PTN: variants seen among roughly 807,000 people sequenced by gnomAD.
PTN encodes the protein heparin affin regulatory protein.
Under a neutral mutation model 24.1 loss-of-function variants are expected in PTN, and 18 were observed. The observed-to-expected ratio is 0.75, with a 90% CI of 0.52 to 1.11. The LOEUF is 1.11. Ranked by LOEUF, PTN falls within the 50% of genes least tolerant of loss-of-function variation. The pLI is 0.00. For missense variants in PTN, 163 were observed against 198.8 expected (o/e 0.82, Z 1.08); for synonymous variants, 78 against 68.6 (o/e 1.14, Z -0.67).
intron 1 of PTN, among the ~76,000 whole-genome samples, chr7:137,299,581 T>C (rs1230238695): frequency 6.6e-6 from 1 of 151,782 alleles, no homozygotes; most frequent in African/African-American, 2.4e-5. Flanking sequence ...CCACCAAATA[T>C]GAGGGGCAGT....
At chr7:137,263,827 A>T (rs1809085715) in intron 1 of PTN, among the ~76,000 whole-genome samples, 1 of 151,966 alleles carries the variant, frequency 6.6e-6, no homozygotes, top group African/African-American at 2.4e-5. Context: ...CTATGTCCAC[A>T]TACCCAGTAT....
intron 1 of PTN, among the ~76,000 whole-genome samples, chr7:137,334,261 C>A (rs2128883189): frequency 7.1e-6 from 1 of 141,262 alleles, no homozygotes; most frequent in East Asian, 2.1e-4. Context: ...AGGCAACCCA[C>A]AAAATGGGAG....
At chr7:137,298,231 G>A (rs1316458390) in intron 1 of PTN, among the ~76,000 whole-genome samples, 1 of 151,920 alleles carries the variant, frequency 6.6e-6, no homozygotes, top group Non-Finnish European at 1.5e-5. Context: ...AATTTTGATT[G>A]AACTAATCCT....
At chr7:137,335,432 T>C (rs1233615446) in intron 1 of PTN, among the ~76,000 whole-genome samples, 2 of 152,182 alleles carry the variant, frequency 1.3e-5, no homozygotes, top group East Asian at 1.9e-4. Flanking sequence ...AATCATACAT[T>C]GTAAATATTA....
chr7:137,255,352 C>T (rs4732251), intron 1 of PTN, among the ~76,000 whole-genome samples: 3,173 of 152,284 alleles, frequency 0.021, 69 homozygotes, highest in Non-Finnish European at 0.033. Context: ...CTTCAAAATT[C>T]CTGACAATAT....
chr7:137,324,250 C>T (rs75269758), intron 1 of PTN, among the ~76,000 whole-genome samples: 1 of 151,054 alleles, frequency 6.6e-6, no homozygotes, highest in East Asian at 2.0e-4. Flanking sequence ...CATTCTTAAG[C>T]TGGGCACTGT....
At chr7:137,257,364 C>A (rs138312346) in intron 1 of PTN, among the ~76,000 whole-genome samples, 1 of 152,260 alleles carries the variant, frequency 6.6e-6, no homozygotes, top group Non-Finnish European at 1.5e-5. Flanking sequence ...TGAATGGTCA[C>A]GCAGAAAAGT....
intron 1 of PTN, among the ~76,000 whole-genome samples, chr7:137,278,945 CAAT>C (rs59932923): frequency 0.3 from 39,667 of 134,116 alleles, 5,791 homozygotes; most frequent in South Asian, 0.38. Flanking sequence ...CATCTCAGAA[CAAT>C]AATAATAATA....
intron 4 of PTN, among the ~76,000 whole-genome samples, chr7:137,243,259 G>A (rs1027997879): frequency 3.3e-5 from 5 of 152,158 alleles, no homozygotes; most frequent in African/African-American, 4.8e-5. Flanking sequence ...ATACAAAGCC[G>A]TTAGCAGAGA....
intron 1 of PTN, among the ~76,000 whole-genome samples, chr7:137,281,411 G>T (rs1486787219): frequency 6.6e-6 from 1 of 152,148 alleles, no homozygotes; most frequent in Non-Finnish European, 1.5e-5. Flanking sequence ...GCTACTGTGT[G>T]CTTTTATAAA....
intron 4 of PTN, among the ~76,000 whole-genome samples, chr7:137,241,227 T>C (rs1001310216): frequency 1.3e-5 from 2 of 152,214 alleles, no homozygotes; most frequent in African/African-American, 4.8e-5. Context: ...ACCTAGGAGT[T>C]AAAATTGGAG....
intron 1 of PTN, among the ~76,000 whole-genome samples, chr7:137,280,815 T>C (rs906755062): frequency 1.9e-4 from 27 of 139,196 alleles, no homozygotes; most frequent in Non-Finnish European, 1.5e-5. Flanking sequence ...GAGGCTGCAG[T>C]GAGCCGAGAT....
At chr7:137,316,294 A>T (rs1017511473) in intron 1 of PTN, among the ~76,000 whole-genome samples, 1 of 152,168 alleles carries the variant, frequency 6.6e-6, no homozygotes, top group Non-Finnish European at 1.5e-5. Flanking sequence ...CCTCAGCTCC[A>T]TTCTCAGTCT....
chr7:137,271,838 G>C (rs1334887867), intron 1 of PTN, among the ~76,000 whole-genome samples: 1 of 152,194 alleles, frequency 6.6e-6, no homozygotes. Context: ...TACTTTCTCT[G>C]AAACTTATTT....
intron 1 of PTN, among the ~76,000 whole-genome samples, chr7:137,281,079 A>G (rs888862419): frequency 1.3e-5 from 2 of 152,042 alleles, no homozygotes; most frequent in African/African-American, 2.4e-5. Flanking sequence ...ATTGGTTTGG[A>G]GACTATTTCT....
intron 1 of PTN, among the ~76,000 whole-genome samples, chr7:137,302,276 T>C (rs1809818076): frequency 1.3e-5 from 2 of 151,968 alleles, no homozygotes; most frequent in South Asian, 4.1e-4. Flanking sequence ...TTGACACAGC[T>C]AGTAAGAAAC....
chr7:137,297,745 C>T (rs1481071779), intron 1 of PTN, among the ~76,000 whole-genome samples: 2 of 152,090 alleles, frequency 1.3e-5, no homozygotes, highest in East Asian at 1.9e-4. Context: ...AGAAGGCAGA[C>T]GGCAAACGAA....
intron 1 of PTN, among the ~76,000 whole-genome samples, chr7:137,286,214 A>G (rs952689785): frequency 3.3e-5 from 5 of 152,242 alleles, no homozygotes; most frequent in African/African-American, 1.2e-4. Context: ...TCATTGAGGT[A>G]TATTTATAAG....
At chr7:137,243,951 T>C (rs947561595) in intron 4 of PTN, among the ~76,000 whole-genome samples, 17 of 152,170 alleles carry the variant, frequency 1.1e-4, no homozygotes, top group African/African-American at 4.1e-4. Context: ...CCAAGCGAGA[T>C]CTTTGGCCCT....
Sources: allele counts gnomAD v4.1 joint callset (sites outside exome capture counted in the v4.1 genomes callset), GRCh38; gene constraint gnomAD v4.1.1; transcripts MANE v1.5; gene names NCBI Gene and HGNC (gene_info 2026-07-23, HGNC 2026-07-21).